Variants in DDX60 observed in about 807,000 individuals in gnomAD.
The protein encoded by DDX60 is probable ATP-dependent RNA helicase DDX60.
Under a neutral mutation model 212.8 loss-of-function variants are expected in DDX60, and 165 were observed. That is an observed-to-expected ratio of 0.78 (90% CI 0.68 to 0.88). The LOEUF (loss-of-function observed/expected upper bound fraction) is 0.88. Ranked by LOEUF, DDX60 falls within the 40% of genes least tolerant of loss-of-function variation. The pLI is 0.00. For synonymous variants in DDX60, 703 were observed against 685.3 expected (o/e 1.03, Z -0.40); for missense variants, 1,905 against 2,003.9 (o/e 0.95, Z 0.94).
chr4:168,257,382 T>G (rs549849014), intron 25 of DDX60, among the ~76,000 whole-genome samples: 1 of 152,304 alleles, frequency 6.6e-6, no homozygotes, highest in Non-Finnish European at 1.5e-5. Context: ...ACTCATTTAG[T>G]ACTCACAACA....
At chr4:168,239,510 G>T (rs1360923728) in intron 30 of DDX60, among the ~76,000 whole-genome samples, 1 of 152,110 alleles carries the variant, frequency 6.6e-6, no homozygotes, top group Non-Finnish European at 1.5e-5. Context: ...TATAGGAACT[G>T]ATGAGAACTC....
In DDX60 at chr4:168,286,982, T is replaced by C. The variant is rs934184141; in HGVS notation, c.1339+66A>G. 6.5e-6 allele frequency: 8 copies of C among 1,232,652 alleles called. No individual in the cohort carries two copies. In the Admixed American group the frequency reaches 1.4e-4, roughly 21 times the overall value. The allele number at this position is 1,232,652 out of a possible 1,614,324, so 76.4% of individuals were successfully genotyped here. ...ATTTATACTTGCAGCACTGAATTAG[T>C]GGTGTTTCCTAAACACTTTCAGAGG... On this transcript the variant is annotated intron_variant, in intron 10 of 37. Transcript: ENST00000393743.
chr4:168,317,087 A>T (rs1415779510), intron 1 of DDX60, among the ~76,000 whole-genome samples: 1 of 151,114 alleles, frequency 6.6e-6, no homozygotes, highest in African/African-American at 2.4e-5. Context: ...GAAGAAGAAG[A>T]AAAAAAAGAA....
chr4:168,225,836 T>G (rs1733235006), intron 33 of DDX60, among the ~76,000 whole-genome samples, 160 bp from the exon 34 acceptor site: 1 of 152,118 alleles, frequency 6.6e-6, no homozygotes, highest in African/African-American at 2.4e-5. Context: ...CTGGTGAAGT[T>G]CAGGTAACTT....
At chr4:168,281,709 A>C (rs1437156176) in intron 13 of DDX60, among the ~76,000 whole-genome samples, 1 of 152,228 alleles carries the variant, frequency 6.6e-6, no homozygotes, top group Non-Finnish European at 1.5e-5. Context: ...GAGGATTCCA[A>C]CACATTTTCC....
rs1735220146 is a variant in DDX60 at position 168,274,060 on chromosome 4, A to G, written c.2328T>C (p.Asp776=). ...TWQRELLDVV[D]KNESAVIVAP... ...CAACAATCACTGCTGACTCATTCTT[A>G]TCCACAACATCAAGGAGCTCTCGCT... The change falls in exon 17 of 38, where the codon GAT becomes GAC. Residue 776 remains aspartate, a synonymous_variant. Transcript: ENST00000393743. The G allele has an allele frequency of 1.2e-6, 2 of 1,614,176 alleles. No individual in the cohort carries two copies. Among genetic ancestry groups the G allele is most frequent in the African/African-American group, 1.3e-5 (1 of 75,036 alleles).
intron 33 of DDX60, chr4:168,236,000 A>G (rs934607901): frequency 1.1e-5 from 4 of 370,458 alleles, no homozygotes; most frequent in Middle Eastern, 7.5e-4. Flanking sequence ...ATAATTTGAT[A>G]CAATCAAATG....
intron 3 of DDX60, among the ~76,000 whole-genome samples, chr4:168,310,652 T>C (rs1254804794): frequency 2.0e-5 from 3 of 152,140 alleles, no homozygotes; most frequent in African/African-American, 7.2e-5. Context: ...GAGAGAAAGC[T>C]ATTGCAGTTA....
chr4:168,291,324 C>G (rs901574600), intron 8 of DDX60, among the ~76,000 whole-genome samples: 1 of 151,980 alleles, frequency 6.6e-6, no homozygotes, highest in African/African-American at 2.4e-5. Context: ...GGTAGACCTC[C>G]GGGGAAGTTT....
At chr4:168,319,635 CA>C (rs1409188805), upstream of DDX60, among the ~76,000 whole-genome samples, 1 of 152,172 alleles carries the variant, frequency 6.6e-6, no homozygotes, top group Admixed American at 6.5e-5. Context: ...TTGATACTTG[CA>C]GTGTGGGTTT....
intron 32 of DDX60, among the ~76,000 whole-genome samples, 171 bp downstream of exon 32, chr4:168,237,115 C>A (rs1296847547): frequency 6.6e-6 from 1 of 151,720 alleles, no homozygotes; most frequent in African/African-American, 2.4e-5. Flanking sequence ...GGCTGACTAT[C>A]ATTTAATATA....
In DDX60 at chr4:168,284,806, G is replaced by C; in HGVS notation, c.1561+14C>G. On this transcript the variant is annotated intron_variant, in intron 12 of 37. Transcript: ENST00000393743. ...GTAGATTTAAATTTATATCACTGGA[G>C]TCACAGAGCTTACCATCAAACTGAC... The C allele has an allele frequency of 7.7e-7, 1 of 1,305,192 alleles. No homozygotes were observed. Among genetic ancestry groups the C allele is most frequent in the Non-Finnish European group, 1.1e-6 (1 of 946,702 alleles). 80.9% of individuals were successfully genotyped at this position (1,305,192 alleles called of 1,614,324 possible).
chr4:168,272,674 T>C (rs1735154889), intron 18 of DDX60, among the ~76,000 whole-genome samples: 1 of 152,162 alleles, frequency 6.6e-6, no homozygotes, highest in South Asian at 2.1e-4. Flanking sequence ...AGTTGCAGGG[T>C]AGAGACTGTG....
At position 168,285,941 on chromosome 4, in the gene DDX60, G is replaced by A. The variant is rs12331275; in HGVS notation, c.1340-443C>T. On this transcript the variant is annotated intron_variant, in intron 10 of 37. Coordinates refer to ENST00000393743, the MANE Select transcript of DDX60 (RefSeq NM_017631.6). ...GAAGGAAGGAAGGAAGGAAGGAAGG[G>A]AGGAAGGGAGGGAGGGAAAGGAAAG... Among the ~76,000 whole-genome samples the A allele has an allele frequency of 2.7e-3, 279 of 104,882 alleles. 1 individual carries two copies. In the East Asian group the frequency reaches 0.032, roughly 12 times the overall value. The allele number at this position is 104,882 out of a possible 152,430, so 68.8% of individuals were successfully genotyped here.
At chr4:168,226,406 G>C (rs755568234) in intron 33 of DDX60, among the ~76,000 whole-genome samples, 2 of 151,984 alleles carry the variant, frequency 1.3e-5, no homozygotes, top group Admixed American at 6.6e-5. Flanking sequence ...AAAAAAAGAC[G>C]CCAGAGAGCT....
intron 14 of DDX60, 131 bp downstream of exon 14, chr4:168,280,204 T>C: frequency 1.7e-6 from 2 of 1,183,194 alleles, no homozygotes; most frequent in Non-Finnish European, 2.4e-6. Flanking sequence ...ATTGTAAAGG[T>C]AATAATGTAT....
chr4:168,290,203 T>C (rs528136027), intron 8 of DDX60, among the ~76,000 whole-genome samples: 1 of 152,148 alleles, frequency 6.6e-6, no homozygotes, highest in Non-Finnish European at 1.5e-5. Flanking sequence ...CTCGGGATAA[T>C]CACACATGCT....
At chr4:168,249,387 T>C (rs1297291323) in intron 28 of DDX60, among the ~76,000 whole-genome samples, 1 of 152,220 alleles carries the variant, frequency 6.6e-6, no homozygotes, top group Non-Finnish European at 1.5e-5. Flanking sequence ...TGTTTAAGTA[T>C]ACGGAGTGAT....
chr4:168,302,159 A>C, intron 6 of DDX60, 141 bp downstream of exon 6: 1 of 453,990 alleles, frequency 2.2e-6, no homozygotes, highest in Non-Finnish European at 4.0e-6. Context: ...CCTGGTTTTC[A>C]TAAATGTTCC....
Sources: gnomAD v4.1 joint callset for allele counts (sites outside exome capture counted in the v4.1 genomes callset) on GRCh38, gnomAD v4.1.1 for gene constraint, MANE v1.5 for transcripts, NCBI Gene and HGNC (gene_info 2026-07-23, HGNC 2026-07-21) for gene names.